Variants in MPRIP observed in about 807,000 individuals in gnomAD.
The protein encoded by MPRIP is myosin phosphatase Rho-interacting protein.
MPRIP carries 59 observed loss-of-function variants against 234.9 expected under a neutral mutation model. That is an observed-to-expected ratio of 0.25 (90% CI 0.20 to 0.31). MPRIP has a LOEUF of 0.31. MPRIP is among the 10% of genes least tolerant of loss of function. MPRIP has a pLI of 1.00. For synonymous variants in MPRIP, 1,144 were observed against 1,263.9 expected, an observed-to-expected ratio of 0.91 and a Z score of 2.01; for missense variants, 2,436 against 3,071.0, an observed-to-expected ratio of 0.79 and a Z score of 4.89.
At chr17:17,053,670 C>T (rs2088609368) in intron 1 of MPRIP, among the ~76,000 whole-genome samples, 1 of 152,174 alleles carries the variant, frequency 6.6e-6, no homozygotes, top group African/African-American at 2.4e-5. Flanking sequence ...GAAAACAGCC[C>T]AGGGAGGGGA....
intron 3 of MPRIP, among the ~76,000 whole-genome samples, chr17:17,102,436 C>T (rs921712583): frequency 5.9e-5 from 9 of 152,234 alleles, no homozygotes; most frequent in Non-Finnish European, 2.9e-5. Flanking sequence ...TGGTGCAGTG[C>T]GGAGCTGTCA....
intron 14 of MPRIP, among the ~76,000 whole-genome samples, chr17:17,160,218 T>C (rs2045832967): frequency 6.6e-6 from 1 of 152,040 alleles, no homozygotes; most frequent in South Asian, 2.1e-4. Flanking sequence ...ATACAAAAAT[T>C]AGCTGGGCAT....
At chr17:17,175,260 C>G in intron 19 of MPRIP, 33 bp from the exon 20 acceptor site, 1 of 1,612,400 alleles carries the variant, frequency 6.2e-7, no homozygotes. Flanking sequence ...CCAGGCAGCT[C>G]TGGAGTGTCA....
At chr17:17,144,878 T>C (rs894294415) in intron 9 of MPRIP, among the ~76,000 whole-genome samples, 1 of 152,188 alleles carries the variant, frequency 6.6e-6, no homozygotes, top group African/African-American at 2.4e-5. Context: ...ATCTGCAAGC[T>C]AAGCAGGCTG....
At chr17:17,056,221 C>T (rs2143885604) in intron 1 of MPRIP, among the ~76,000 whole-genome samples, 1 of 152,334 alleles carries the variant, frequency 6.6e-6, no homozygotes, top group African/African-American at 2.4e-5. Context: ...TTCTGTCCTA[C>T]CTGTTTCTGA....
Position 17,168,156 on chromosome 17 carries a change from G to A in MPRIP, c.6324+241G>A, listed in dbSNP as rs148341412. On this transcript the variant is annotated intron_variant, in intron 16 of 23. Transcript: ENST00000651222. ...GGAGGGCCGCCAGGGTCCCTGGTGG[G>A]AGAGGAGCACGTAGTCTTCCCAGCA... 12 of 342,388 alleles carry A rather than the reference G, an allele frequency of 3.5e-5. No homozygotes were observed. The East Asian group carries it at 9.6e-4, about 27-fold the overall frequency. The allele number at this position is 342,388 out of a possible 1,614,324, so 21.2% of individuals were successfully genotyped here.
rs369896335 is a variant in MPRIP at position 17,128,637 on chromosome 17, G to A, written c.419+1784G>A. ...CCAAAGCCAGAATAAGCTGCCTGAC[G>A]CTCTTCCCCTTCCCCTCGCCCTGGT... On this transcript the variant is annotated intron_variant, in intron 4 of 23. Coordinates refer to ENST00000651222, the MANE Select transcript of MPRIP (RefSeq NM_001364716.4). Among the ~76,000 whole-genome samples the A allele has an allele frequency of 8.8e-4, 134 of 152,276 alleles. No individual in the cohort carries two copies. In the South Asian group the frequency reaches 0.025, roughly 29 times the overall value.
chr17:17,157,389 C>T (rs1172294442), intron 13 of MPRIP, among the ~76,000 whole-genome samples: 1 of 152,218 alleles, frequency 6.6e-6, no homozygotes, highest in Non-Finnish European at 1.5e-5. Flanking sequence ...AACCCAGTGT[C>T]CTTCTCCCCT....
intron 21 of MPRIP, 90 bp downstream of exon 21, chr17:17,176,602 C>T (rs2046260110): frequency 9.8e-7 from 1 of 1,023,058 alleles, no homozygotes. Flanking sequence ...TCAGCGCGGG[C>T]TCTTCTGAAG....
At position 17,138,964 on chromosome 17, in the gene MPRIP, A is replaced by G. The variant is rs2090759879; in HGVS notation, c.1250+535A>G. On this transcript the variant is annotated intron_variant, in intron 7 of 23. Transcript: ENST00000651222. This position sits in a 1 kb window ranked among gnomAD's most constrained non-coding sequence, Gnocchi z 5.8. ...GGGAGCCACAGCCCCAGGAAACCTG[A>G]GGCAACCTGTGAAGCAGCTGAGCAC... Among the ~76,000 whole-genome samples, 4 of 152,218 alleles carry G rather than the reference A, an allele frequency of 2.6e-5. No individual in the cohort carries two copies. The highest frequency in any genetic ancestry group is 5.9e-5 in the Non-Finnish European group (4 of 68,034).
Position 17,159,015 on chromosome 17 carries a change from G to T in MPRIP, c.2400+13G>T. ...GCTCGAGAAGGAGGTAATAGCCTGGGACCAGATCCCCACCCTGCTCCCAGC... is the reference window on the plus strand; with the variant it reads ...GCTCGAGAAGGAGGTAATAGCCTGGTACCAGATCCCCACCCTGCTCCCAGC... On this transcript the variant is annotated intron_variant, in intron 14 of 23. Coordinates refer to ENST00000651222, the MANE Select transcript of MPRIP (RefSeq NM_001364716.4). 3 of 1,601,992 alleles carry T rather than the reference G, an allele frequency of 1.9e-6. No homozygotes were observed. The highest frequency in any genetic ancestry group is 2.2e-5 in the South Asian group (2 of 89,394).
chr17:17,179,097 C>T (rs947050723), intron 22 of MPRIP, among the ~76,000 whole-genome samples: 1 of 151,846 alleles, frequency 6.6e-6, no homozygotes, highest in African/African-American at 2.4e-5. Flanking sequence ...GGGTGGATCA[C>T]GAGGTCAGGA....
chr17:17,048,762 A>G (rs1002057545), intron 1 of MPRIP, among the ~76,000 whole-genome samples: 2 of 152,206 alleles, frequency 1.3e-5, no homozygotes, highest in African/African-American at 2.4e-5. Context: ...TGCTGTGGAA[A>G]CAGTTTGGGG....
intron 13 of MPRIP, 89 bp from the exon 14 acceptor site, chr17:17,158,343 T>G (rs922096934): frequency 1.8e-6 from 2 of 1,118,624 alleles, no homozygotes; most frequent in African/African-American, 3.1e-5. Flanking sequence ...TCACAGGGGC[T>G]GGGTTGTGGC....
chr17:17,065,761 A>G (rs1399202749), intron 1 of MPRIP, among the ~76,000 whole-genome samples: 1 of 152,212 alleles, frequency 6.6e-6, no homozygotes, highest in African/African-American at 2.4e-5. Flanking sequence ...GGGTGAGAAT[A>G]GACATCTTAG....
At chr17:17,092,541 A>G (rs2089743834) in intron 3 of MPRIP, among the ~76,000 whole-genome samples, 1 of 152,118 alleles carries the variant, frequency 6.6e-6, no homozygotes, top group African/African-American at 2.4e-5. Context: ...GGAATTCCCG[A>G]AGGCTTCCCT....
chr17:17,150,631 C>T (rs971476404), intron 12 of MPRIP, among the ~76,000 whole-genome samples: 2 of 147,054 alleles, frequency 1.4e-5, no homozygotes, highest in Non-Finnish European at 3.0e-5. Context: ...CATTCATTTA[C>T]TTACAAGGCT....
chr17:17,062,229 A>C (rs1291384891), intron 1 of MPRIP, among the ~76,000 whole-genome samples: 1 of 152,092 alleles, frequency 6.6e-6, no homozygotes, highest in African/African-American at 2.4e-5. Flanking sequence ...AGGAATGACC[A>C]AGATCTCCCC....
chr17:17,170,198 T>C (rs59330789), intron 16 of MPRIP: 1 of 139,078 alleles, frequency 7.2e-6, no homozygotes, highest in East Asian at 2.3e-4. Flanking sequence ...ATATATATTT[T>C]TTTTTTTTTT....
Sources: allele counts gnomAD v4.1 joint callset (sites outside exome capture counted in the v4.1 genomes callset), GRCh38; gene constraint gnomAD v4.1.1; non-coding constraint Gnocchi (gnomAD v3.1); transcripts MANE v1.5; gene names NCBI Gene and HGNC (gene_info 2026-07-23, HGNC 2026-07-21).